MLXIPL: variants seen among roughly 807,000 people sequenced by gnomAD.
The protein encoded by MLXIPL is MLX interacting protein like, also known as carbohydrate-responsive element-binding protein.
In MLXIPL, 49 loss-of-function variants were observed where a neutral mutation model predicts 81.5. The observed-to-expected ratio is 0.60, with a 90% CI of 0.48 to 0.76. MLXIPL has a LOEUF of 0.76. Among genes scored for constraint, MLXIPL ranks in the 30% least tolerant of loss-of-function variants. MLXIPL has a pLI of 0.00. For synonymous variants in MLXIPL, 466 were observed against 485.5 expected (o/e 0.96, Z 0.53); for missense variants, 1,053 against 1,167.0 (o/e 0.90, Z 1.42).
At chr7:73,621,682 TCC>T (rs1796362744) in intron 1 of MLXIPL, among the ~76,000 whole-genome samples, 1 of 123,088 alleles carries the variant, frequency 8.1e-6, no homozygotes, top group African/African-American at 3.1e-5. Flanking sequence ...TCCCTCCATC[TCC>T]CTCCCTCCCT....
the MLXIPL span, among the ~76,000 whole-genome samples, chr7:73,634,669 A>G: frequency 1.3e-4 from 20 of 152,140 alleles, no homozygotes; most frequent in Non-Finnish European, 2.6e-4. Flanking sequence ...TGCCGGGATT[A>G]CAAGCGTGAG....
rs1472610862 is a variant in MLXIPL at position 73,624,383 on chromosome 7, C to A, written c.110G>T (p.Ser37Ile). 2 of 1,570,154 alleles carry A rather than the reference C, an allele frequency of 1.3e-6. No homozygotes were observed. The highest frequency in any genetic ancestry group is 1.7e-6 in the Non-Finnish European group (2 of 1,163,272). Reference protein sequence around the residue: ...TDSEDPSLRRSAGGLLRSQVI... With the variant: ...TDSEDPSLRRIAGGLLRSQVI... Reference sequence around the variant, plus strand: ...CTGCGAGCGGAGCAAGCCGCCCGCGCTGCGCCGGAGACTCGGGTCCTCCGA... The same window carrying A: ...CTGCGAGCGGAGCAAGCCGCCCGCGATGCGCCGGAGACTCGGGTCCTCCGA... The change falls in exon 1 of 17, where the codon AGC becomes ATC. Residue 37 changes from serine (S) to isoleucine (I), a missense_variant. This residue lies in a region of MLXIPL where 226 missense variants were observed against 216.2 expected (regional missense o/e 1.05). Coordinates refer to ENST00000313375, the MANE Select transcript of MLXIPL (RefSeq NM_032951.3).
chr7:73,644,599 T>C, the MLXIPL span, among the ~76,000 whole-genome samples: 1 of 152,172 alleles, frequency 6.6e-6, no homozygotes, highest in African/African-American at 2.4e-5. Context: ...TGAGAGCCAG[T>C]GGTACCTGGT....
upstream of MLXIPL, among the ~76,000 whole-genome samples, chr7:73,627,962 C>A (rs782545715): frequency 6.6e-6 from 1 of 150,640 alleles, no homozygotes; most frequent in African/African-American, 2.4e-5. Context: ...AATTGAGGGC[C>A]AAACTCAGTG....
chr7:73,630,805 T>C, the MLXIPL span, among the ~76,000 whole-genome samples: 1 of 152,078 alleles, frequency 6.6e-6, no homozygotes, highest in Admixed American at 6.6e-5. Context: ...GGAGGCAAAA[T>C]CACTTTGGAA....
chr7:73,624,537 G>A (rs1390282431), upstream of MLXIPL: 1 of 1,494,952 alleles, frequency 6.7e-7, no homozygotes, highest in Non-Finnish European at 8.8e-7. Context: ...CGCGCAGCGC[G>A]GGGAACAGCT....
At position 73,606,107 on chromosome 7, in the gene MLXIPL, T is replaced by C; in HGVS notation, c.623A>G (p.Glu208Gly). ...EDDLLAPKQA[E>G]GRWPPPEQWC... The stretch of plus-strand genomic sequence containing the variant: ...TTGCTCCGGCGGCGGCCACCTGCCT[T>C]CCGCCTAGGGAGACAGAGCCGTCAG... The change falls in exon 6 of 17, where the codon GAA becomes GGA. Residue 208 changes from glutamate to glycine, a missense_variant. Physicochemically the swap from Glu to Gly is moderately conservative, Grantham distance 98 (BLOSUM62 -2). This residue lies in a region of MLXIPL where 823 missense variants were observed against 933.0 expected (regional missense o/e 0.88). Transcript: ENST00000313375. The C allele has an allele frequency of 1.3e-6, 2 of 1,574,666 alleles. No homozygotes were observed. Among genetic ancestry groups the C allele is most frequent in the Non-Finnish European group, 1.7e-6 (2 of 1,160,282 alleles).
At chr7:73,609,134 T>A (rs983852140) in intron 2 of MLXIPL, 1 of 152,032 alleles carries the variant, frequency 6.6e-6, no homozygotes, top group Non-Finnish European at 1.5e-5. Flanking sequence ...CTGTTATTTT[T>A]AATTTTTTGG....
chr7:73,625,392 G>A (rs1184507787), upstream of MLXIPL, among the ~76,000 whole-genome samples: 2 of 152,148 alleles, frequency 1.3e-5, no homozygotes, highest in African/African-American at 2.4e-5. Flanking sequence ...GGCCTGATGT[G>A]GTAAGCCCAA....
At chr7:73,647,808 G>A in the MLXIPL span, among the ~76,000 whole-genome samples, 2 of 151,176 alleles carry the variant, frequency 1.3e-5, no homozygotes, top group African/African-American at 4.8e-5. Context: ...GGGGCGCGGC[G>A]CGGCCAGGGG....
At chr7:73,626,543 A>G (rs1796759707), upstream of MLXIPL, among the ~76,000 whole-genome samples, 1 of 151,996 alleles carries the variant, frequency 6.6e-6, no homozygotes, top group African/African-American at 2.4e-5. Flanking sequence ...GAGCCACTGT[A>G]CATGGCCTTT....
the MLXIPL span, among the ~76,000 whole-genome samples, chr7:73,643,747 G>T: frequency 1.3e-5 from 2 of 152,128 alleles, no homozygotes; most frequent in African/African-American, 2.4e-5. Context: ...GGACAGAGGG[G>T]ACAGCTGGCA....
the MLXIPL span, among the ~76,000 whole-genome samples, chr7:73,629,813 T>C: frequency 2.0e-5 from 3 of 152,208 alleles, no homozygotes; most frequent in Admixed American, 2.0e-4. Flanking sequence ...AGAATTTTCA[T>C]TGCCATTTTA....
Position 73,602,191 on chromosome 7 carries a change from A to ATC in MLXIPL, c.902-2498_902-2497dup, listed in dbSNP as rs1370589837. Reference sequence around the variant, plus strand: ...TTCTTTCCCTCTCTCTCTTTCTTTCATCTCTCTCTCTCTCTTTCTCTCTTT... The same window carrying ATC: ...TTCTTTCCCTCTCTCTCTTTCTTTCATCTCTCTCTCTCTCTCTTTCTCTCTTT... On this transcript the variant is annotated intron_variant, in intron 7 of 16. Coordinates refer to ENST00000313375, the MANE Select transcript of MLXIPL (RefSeq NM_032951.3). Among the ~76,000 whole-genome samples, 15 of 54,010 alleles carry ATC rather than the reference A, an allele frequency of 2.8e-4. No homozygotes were observed. The East Asian group carries it at 6.2e-3, about 22-fold the overall frequency. 35.4% of individuals were successfully genotyped at this position (54,010 alleles called of 152,430 possible).
chr7:73,595,342 G>C (rs1329351136), intron 15 of MLXIPL, among the ~76,000 whole-genome samples: 1 of 152,124 alleles, frequency 6.6e-6, no homozygotes, highest in Non-Finnish European at 1.5e-5. Context: ...CCTCACTCCA[G>C]AGTTCAGATT....
At chr7:73,625,497 C>T (rs1796688786), upstream of MLXIPL, among the ~76,000 whole-genome samples, 2 of 152,252 alleles carry the variant, frequency 1.3e-5, no homozygotes, top group South Asian at 4.1e-4. Context: ...TGGCTCTCGC[C>T]TTCAATCCTA....
intron 2 of MLXIPL, among the ~76,000 whole-genome samples, chr7:73,614,809 C>CTTT (rs11307944): frequency 2.1e-4 from 22 of 106,164 alleles, no homozygotes; most frequent in African/African-American, 5.8e-4. Context: ...TTGTTTTGCC[C>CTTT]TTTTTTTTTT....
chr7:73,619,745 G>A (rs987390097), intron 1 of MLXIPL, among the ~76,000 whole-genome samples: 5 of 151,302 alleles, frequency 3.3e-5, no homozygotes, highest in East Asian at 2.0e-4. Flanking sequence ...CCTGGCTAAC[G>A]CAGTGAAACC....
At chr7:73,598,749 C>T (rs562683812) in intron 8 of MLXIPL, among the ~76,000 whole-genome samples, 10 of 152,080 alleles carry the variant, frequency 6.6e-5, no homozygotes, top group East Asian at 3.9e-4. Flanking sequence ...CCTCAGCAAC[C>T]GATTAGAATT....
Sources: allele counts gnomAD v4.1 joint callset (sites outside exome capture counted in the v4.1 genomes callset), GRCh38; gene constraint gnomAD v4.1.1; regional missense constraint gnomAD v4.1.1; transcripts MANE v1.5; gene names NCBI Gene and HGNC (gene_info 2026-07-23, HGNC 2026-07-21).